LAPTM4B: variants seen among roughly 807,000 people sequenced by gnomAD.
LAPTM4B encodes lysosomal-associated transmembrane protein 4B.
A neutral mutation model predicts 28.5 loss-of-function variants in LAPTM4B; 26 were observed. That is an observed-to-expected ratio of 0.91 (90% CI 0.67 to 1.27). The LOEUF (loss-of-function observed/expected upper bound fraction) is 1.27. Among genes scored for constraint, LAPTM4B ranks in the 50% most tolerant of loss-of-function variants. The probability of loss-of-function intolerance (pLI) is 0.00; values close to 1 mark genes in which losing one functional copy is unlikely to be tolerated. For synonymous variants in LAPTM4B, 109 were observed against 106.4 expected, an observed-to-expected ratio of 1.02 and a Z score of -0.15; for missense variants, 288 against 285.8, an observed-to-expected ratio of 1.01 and a Z score of -0.06.
At chr8:97,780,065 A>G (rs936320526) in intron 1 of LAPTM4B, among the ~76,000 whole-genome samples, 25 of 150,752 alleles carry the variant, frequency 1.7e-4, no homozygotes, top group Admixed American at 4.0e-4. Context: ...AAAAAAAAAA[A>G]AAAGAAAAGT....
intron 1 of LAPTM4B, among the ~76,000 whole-genome samples, chr8:97,782,198 CTCG>C (rs1191685737): frequency 6.7e-6 from 1 of 149,396 alleles, no homozygotes. Flanking sequence ...TCAGGCTGGT[CTCG>C]AACTCCCGAC....
In LAPTM4B at chr8:97,816,296, G is replaced by A; in HGVS notation, c.408+116G>A. On this transcript the variant is annotated intron_variant, in intron 4 of 6. Transcript: ENST00000521545. ...ATTTCAGGATTTTTAGCTTGCAGCTGAGTTACTCATAGGAAATTTCTTTTT... is the reference window on the plus strand; with the variant it reads ...ATTTCAGGATTTTTAGCTTGCAGCTAAGTTACTCATAGGAAATTTCTTTTT... 3.9e-6 allele frequency: 4 copies of A among 1,032,746 alleles called. No individual in the cohort carries two copies. In the East Asian group the frequency reaches 8.1e-5, roughly 21 times the overall value. The allele number at this position is 1,032,746 out of a possible 1,614,324, so 64.0% of individuals were successfully genotyped here.
chr8:97,775,856 G>T lies in LAPTM4B; in HGVS notation c.-154G>T, dbSNP rs765058962. On this transcript the variant is annotated 5_prime_UTR_variant, in exon 1 of 7. Transcript: ENST00000521545. ...ACCCGGCAGAAGCTCGGAGCTCTCG[G>T]GGTATCGAGGAGGCAGGCCCGCGGG... 1.0e-5 allele frequency: 16 copies of T among 1,528,356 alleles called. No homozygotes were observed. Among genetic ancestry groups the T allele is most frequent in the Non-Finnish European group, 1.1e-5 (13 of 1,142,710 alleles). The allele number at this position is 1,528,356 out of a possible 1,614,324, so 94.7% of individuals were successfully genotyped here.
In LAPTM4B at chr8:97,799,834, C is replaced by T. The variant is rs113609542; in HGVS notation, c.100-5519C>T. Among the ~76,000 whole-genome samples the T allele has an allele frequency of 5.9e-3, 905 of 152,244 alleles. 5 individuals are homozygous for T. The highest frequency in any genetic ancestry group is 8.6e-3 in the Non-Finnish European group (582 of 68,010). ...CTATCCTCTAACATTTCCTTTTATACCCCCTGACCCTGGCGTTCCAGCCAC... is the reference window on the plus strand; with the variant it reads ...CTATCCTCTAACATTTCCTTTTATATCCCCTGACCCTGGCGTTCCAGCCAC... On this transcript the variant is annotated intron_variant, in intron 1 of 6. Transcript: ENST00000521545.
Position 97,821,108 on chromosome 8 carries a change from C to T in LAPTM4B, c.507+1870C>T, listed in dbSNP as rs548304104. On this transcript the variant is annotated intron_variant, in intron 5 of 6. Transcript: ENST00000521545. ...ATCCCAGCACTTTGGGAGGCCAAGA[C>T]GGGTGGATCACGAGATCAGGAGATC... Among the ~76,000 whole-genome samples, 33 of 151,894 alleles carry T rather than the reference C, an allele frequency of 2.2e-4. No homozygotes were observed. In the East Asian group the frequency reaches 6.4e-3, roughly 29 times the overall value.
intron 6 of LAPTM4B, among the ~76,000 whole-genome samples, chr8:97,845,791 A>G (rs966257653): frequency 3.3e-5 from 5 of 149,740 alleles, no homozygotes; most frequent in African/African-American, 1.2e-4. Flanking sequence ...ATCCCCAAGA[A>G]CCCATGATCA....
intron 6 of LAPTM4B, among the ~76,000 whole-genome samples, chr8:97,830,597 G>T (rs562520117): frequency 2.0e-5 from 3 of 152,294 alleles, no homozygotes; most frequent in Non-Finnish European, 2.9e-5. Context: ...GAAGAGAAGT[G>T]GGGGAGAGTA....
intron 6 of LAPTM4B, among the ~76,000 whole-genome samples, chr8:97,838,096 G>A (rs147305049): frequency 1.1e-3 from 172 of 152,330 alleles, no homozygotes; most frequent in Middle Eastern, 0.01. Flanking sequence ...CCCAGGGCAG[G>A]AGTGCTGGGA....
chr8:97,793,507 T>A lies in LAPTM4B; in HGVS notation c.100-11846T>A, dbSNP rs1483760783. 2.6e-5 allele frequency among the ~76,000 whole-genome samples: 4 copies of A among 152,216 alleles called. No homozygotes were observed. In the South Asian group the frequency reaches 8.3e-4, roughly 31 times the overall value. On this transcript the variant is annotated intron_variant, in intron 1 of 6. Transcript: ENST00000521545. ...AAACAGAATATCAGTATTGTCTATT[T>A]CAGAAAAATCGGATTGTTCAAATGA...
chr8:97,801,374 G>C (rs964512087), intron 1 of LAPTM4B, among the ~76,000 whole-genome samples: 12 of 151,920 alleles, frequency 7.9e-5, no homozygotes, highest in African/African-American at 2.9e-4. Context: ...CAGAGATGGG[G>C]TTTCACCACG....
chr8:97,784,160 G>A (rs943465769), intron 1 of LAPTM4B, among the ~76,000 whole-genome samples: 2 of 152,128 alleles, frequency 1.3e-5, no homozygotes, highest in Non-Finnish European at 2.9e-5. Flanking sequence ...GCAACCCTGG[G>A]TCACGCATGA....
intron 6 of LAPTM4B, among the ~76,000 whole-genome samples, chr8:97,831,662 C>T (rs767218877): frequency 4.6e-5 from 7 of 151,984 alleles, no homozygotes; most frequent in Non-Finnish European, 8.8e-5. Flanking sequence ...GAACCACTTG[C>T]CTTGAGTTGG....
intron 1 of LAPTM4B, among the ~76,000 whole-genome samples, chr8:97,803,056 G>A (rs1177894753): frequency 2.6e-5 from 4 of 151,746 alleles, no homozygotes; most frequent in South Asian, 4.2e-4. Flanking sequence ...AAAATTAGCC[G>A]GGTGTGGTGG....
chr8:97,811,758 AG>A (rs755078885), intron 2 of LAPTM4B, among the ~76,000 whole-genome samples: 36 of 152,140 alleles, frequency 2.4e-4, no homozygotes, highest in Non-Finnish European at 4.0e-4. Context: ...CTACAGCAGC[AG>A]GGGAAGCTGA....
intron 6 of LAPTM4B, among the ~76,000 whole-genome samples, chr8:97,828,681 G>A (rs1031582051): frequency 6.6e-6 from 1 of 152,198 alleles, no homozygotes; most frequent in African/African-American, 2.4e-5. Context: ...TGAGGCCTCA[G>A]CGATTTTGGA....
Position 97,800,677 on chromosome 8 carries a change from G to C in LAPTM4B, c.100-4676G>C, listed in dbSNP as rs531502528. On this transcript the variant is annotated intron_variant, in intron 1 of 6. Transcript: ENST00000521545. ...ATGCCCGGCTAATTTTGTATTTTTA[G>C]TGGAGACGGGGTTTCTTCATGTTGG... Among the ~76,000 whole-genome samples the C allele has an allele frequency of 4.6e-5, 7 of 151,640 alleles. 1 individual carries two copies. The highest frequency in any genetic ancestry group is 1.5e-4 in the African/African-American group (6 of 41,268).
At chr8:97,809,104 A>G (rs1816793184) in intron 2 of LAPTM4B, among the ~76,000 whole-genome samples, 2 of 152,248 alleles carry the variant, frequency 1.3e-5, no homozygotes, top group Admixed American at 6.5e-5. Flanking sequence ...CTTAAGTACC[A>G]GCAAGCCTTT....
chr8:97,808,030 A>T (rs1816780500), intron 2 of LAPTM4B, among the ~76,000 whole-genome samples: 1 of 151,336 alleles, frequency 6.6e-6, no homozygotes, highest in Non-Finnish European at 1.5e-5. Context: ...CATGTTGCGT[A>T]GGCTGGTCTG....
rs145093421 is a variant in LAPTM4B, at chr8:97,815,690, C to T, written c.285+289C>T. ...CAAGTGATTCTCCCACCTCAGCCTC[C>T]AGAGTAGCTGGGACTACAGGTGTGT... On this transcript the variant is annotated intron_variant, in intron 3 of 6. Transcript: ENST00000521545. Among the ~76,000 whole-genome samples, 536 of 152,260 alleles carry T rather than the reference C, an allele frequency of 3.5e-3. 2 individuals are homozygous for T. The highest frequency in any genetic ancestry group is 0.012 in the African/African-American group (502 of 41,550).
Sources: allele counts gnomAD v4.1 joint callset (sites outside exome capture counted in the v4.1 genomes callset), GRCh38; gene constraint gnomAD v4.1.1; transcripts MANE v1.5; gene names NCBI Gene and HGNC (gene_info 2026-07-23, HGNC 2026-07-21).